The following ADAMTSL1 variants were observed in gnomAD, a reference collection of about 807,000 sequenced individuals.
ADAMTSL1 encodes the protein ADAMTS like 1.
ADAMTSL1 carries 126 observed loss-of-function variants against 201.8 expected under a neutral mutation model. The observed-to-expected ratio is 0.62, with a 90% CI of 0.54 to 0.72. ADAMTSL1 has a LOEUF of 0.72. Among genes scored for constraint, ADAMTSL1 ranks in the 30% least tolerant of loss-of-function variants. The probability of loss-of-function intolerance (pLI) is 0.00; values close to 1 mark genes in which losing one functional copy is unlikely to be tolerated. For missense variants in ADAMTSL1, 2,679 were observed against 2,277.8 expected (o/e 1.18, Z -3.59); for synonymous variants, 1,121 against 903.4 (o/e 1.24, Z -4.32).
intron 4 of ADAMTSL1, among the ~76,000 whole-genome samples, chr9:18,613,219 C>G (rs1825491197): frequency 6.6e-6 from 1 of 152,050 alleles, no homozygotes; most frequent in South Asian, 2.1e-4. Flanking sequence ...ATAACAGATG[C>G]TGGTAAGGTT....
intron 5 of ADAMTSL1, among the ~76,000 whole-genome samples, chr9:18,625,148 T>A (rs1826279397): frequency 1.3e-5 from 2 of 152,014 alleles, no homozygotes; most frequent in South Asian, 4.2e-4. Flanking sequence ...CCTGGAGGAG[T>A]CCTGCCAGAT....
intron 2 of ADAMTSL1, among the ~76,000 whole-genome samples, chr9:18,240,029 T>A (rs1202899062): frequency 6.6e-6 from 1 of 152,184 alleles, no homozygotes; most frequent in Non-Finnish European, 1.5e-5. Context: ...CTACTATTGT[T>A]GATATTTTGA....
chr9:18,528,230 G>C (rs996754325), intron 2 of ADAMTSL1, among the ~76,000 whole-genome samples: 1 of 151,906 alleles, frequency 6.6e-6, no homozygotes, highest in Non-Finnish European at 1.5e-5. Context: ...TCATGTGCAG[G>C]ATATGCAGGT....
At chr9:18,360,980 G>C (rs748932403) in intron 2 of ADAMTSL1, among the ~76,000 whole-genome samples, 2 of 152,074 alleles carry the variant, frequency 1.3e-5, no homozygotes, top group Non-Finnish European at 2.9e-5. Context: ...TTAACAATTG[G>C]TAAGAAATGT....
chr9:18,735,554 A>G (rs1818451414), intron 15 of ADAMTSL1, among the ~76,000 whole-genome samples: 1 of 152,152 alleles, frequency 6.6e-6, no homozygotes, highest in Admixed American at 6.5e-5. Context: ...CAGATGTGGA[A>G]TGGACATTCA....
chr9:18,361,061 A>C (rs1015832058), intron 2 of ADAMTSL1, among the ~76,000 whole-genome samples: 3 of 152,216 alleles, frequency 2.0e-5, no homozygotes, highest in Non-Finnish European at 4.4e-5. Flanking sequence ...GTTGGAATGC[A>C]GGAGTTTTAT....
chr9:18,396,679 G>A (rs1413361716), intron 2 of ADAMTSL1, among the ~76,000 whole-genome samples: 1 of 151,472 alleles, frequency 6.6e-6, no homozygotes, highest in Non-Finnish European at 1.5e-5. Flanking sequence ...TAAAAACTGG[G>A]ATCCCTTGCA....
chr9:18,889,559 C>T lies in ADAMTSL1; in HGVS notation c.4463-9C>T, dbSNP rs775344145. 1.9e-6 allele frequency: 3 copies of T among 1,613,394 alleles called. No individual in the cohort carries two copies. The highest frequency in any genetic ancestry group is 2.5e-6 in the Non-Finnish European group (3 of 1,179,630). On this transcript the variant is annotated splice_polypyrimidine_tract_variant and intron_variant, in intron 24 of 28. Coordinates refer to ENST00000380548, the MANE Select transcript of ADAMTSL1 (RefSeq NM_001040272.6). Reference sequence around the variant, plus strand: ...ATTCTTTTCTACACTGCTCCTCCTCCCATGACAGATTACTGGTGGTCTGTG... The same window carrying T: ...ATTCTTTTCTACACTGCTCCTCCTCTCATGACAGATTACTGGTGGTCTGTG...
intron 7 of ADAMTSL1, among the ~76,000 whole-genome samples, chr9:18,647,840 G>T (rs1167729909): frequency 6.6e-6 from 1 of 151,052 alleles, no homozygotes; most frequent in Non-Finnish European, 1.5e-5. Context: ...GTGTGGTGTG[G>T]TGCTGAAAAA....
chr9:18,551,538 A>C (rs976780369), intron 3 of ADAMTSL1, among the ~76,000 whole-genome samples: 3 of 128,130 alleles, frequency 2.3e-5, no homozygotes, highest in Non-Finnish European at 4.9e-5. Flanking sequence ...ATTTTTCATT[A>C]CCGCTGAATT....
At chr9:18,177,167 C>A (rs1001479816) in intron 2 of ADAMTSL1, among the ~76,000 whole-genome samples, 6 of 152,086 alleles carry the variant, frequency 3.9e-5, no homozygotes, top group Non-Finnish European at 7.4e-5. Flanking sequence ...GCTAGTGTAC[C>A]AAGTTTCTAT....
At chr9:18,815,067 G>A (rs1436537122) in intron 20 of ADAMTSL1, among the ~76,000 whole-genome samples, 1 of 152,076 alleles carries the variant, frequency 6.6e-6, no homozygotes. Context: ...GCAAATACTG[G>A]CGCAGATGTG....
intron 23 of ADAMTSL1, among the ~76,000 whole-genome samples, chr9:18,849,212 A>G (rs1465294382): frequency 4.6e-5 from 7 of 152,224 alleles, no homozygotes; most frequent in Non-Finnish European, 7.3e-5. Flanking sequence ...ACTAGGTGGC[A>G]GGGCCTTGAC....
chr9:18,237,718 G>T (rs1343356094), intron 2 of ADAMTSL1, among the ~76,000 whole-genome samples: 1 of 152,182 alleles, frequency 6.6e-6, no homozygotes, highest in Non-Finnish European at 1.5e-5. Flanking sequence ...TGATGCATTT[G>T]AAAAGATTCT....
intron 1 of ADAMTSL1, among the ~76,000 whole-genome samples, chr9:18,098,403 A>T (rs1282082032): frequency 1.3e-5 from 2 of 152,174 alleles, no homozygotes; most frequent in African/African-American, 2.4e-5. Flanking sequence ...AAAAATGTAG[A>T]TCTTTAATTT....
intron 26 of ADAMTSL1, among the ~76,000 whole-genome samples, chr9:18,893,120 T>A (rs577535148): frequency 6.6e-6 from 1 of 152,046 alleles, no homozygotes; most frequent in South Asian, 2.1e-4. Flanking sequence ...TTATTTCCAG[T>A]GACATAATGT....
chr9:18,350,783 T>C (rs1477143554), intron 2 of ADAMTSL1, among the ~76,000 whole-genome samples: 2 of 152,038 alleles, frequency 1.3e-5, no homozygotes, highest in African/African-American at 4.8e-5. Context: ...CAGGGGTGAA[T>C]TGGAAAGAAC....
Position 18,096,307 on chromosome 9 carries a change from CTTT to C in ADAMTSL1, c.88-67554_88-67552del, listed in dbSNP as rs572457315. Among the ~76,000 whole-genome samples the C allele has an allele frequency of 3.9e-5, 6 of 152,346 alleles. No homozygotes were observed. In the South Asian group the frequency reaches 1.0e-3, roughly 26 times the overall value. ...AATATAGTAATTACCGTATTCCCTT[CTTT>C]ATCTCACTCTTAGTTCTATCAATAA... is the stretch of plus-strand genomic sequence containing the variant. On this transcript the variant is annotated intron_variant, in intron 1 of 29. Coordinates refer to the ADAMTSL1 transcript ENST00000680146.
At chr9:18,051,541 TA>T (rs1586950975) in intron 1 of ADAMTSL1, among the ~76,000 whole-genome samples, 2 of 151,228 alleles carry the variant, frequency 1.3e-5, no homozygotes, top group East Asian at 3.9e-4. Flanking sequence ...GACAACTTTT[TA>T]AAACTTTTTT....
Sources: gnomAD v4.1 joint callset for allele counts (sites outside exome capture counted in the v4.1 genomes callset) on GRCh38, gnomAD v4.1.1 for gene constraint, MANE v1.5 for transcripts, NCBI Gene and HGNC (gene_info 2026-07-23, HGNC 2026-07-21) for gene names.